SLC23A2: variants seen among roughly 807,000 people sequenced by gnomAD.
SLC23A2 encodes Na(+)/L-ascorbic acid transporter 2.
SLC23A2 carries 36 observed loss-of-function variants against 73.3 expected under a neutral mutation model. That is an observed-to-expected ratio of 0.49 (90% confidence interval 0.38 to 0.65). The LOEUF (loss-of-function observed/expected upper bound fraction) is 0.65, where lower values mean the gene tolerates loss of function less well. Ranked by LOEUF, SLC23A2 falls within the 30% of genes least tolerant of loss-of-function variation. SLC23A2 has a pLI of 0.00. For missense variants in SLC23A2, 507 were observed against 841.6 expected, an observed-to-expected ratio of 0.60 and a Z score of 4.92; for synonymous variants, 343 against 327.3, an observed-to-expected ratio of 1.05 and a Z score of -0.52.
intron 3 of SLC23A2, among the ~76,000 whole-genome samples, chr20:4,915,009 T>G (rs986417069): frequency 6.6e-6 from 1 of 151,880 alleles, no homozygotes; most frequent in Non-Finnish European, 1.5e-5. Flanking sequence ...GAGCAAGACA[T>G]CGACTCTAAA....
At chr20:4,910,934 T>A (rs573268489) in intron 4 of SLC23A2, among the ~76,000 whole-genome samples, 1 of 152,150 alleles carries the variant, frequency 6.6e-6, no homozygotes, top group Non-Finnish European at 1.5e-5. Flanking sequence ...GCTAGAGACA[T>A]TTTTCCTACA....
At position 4,872,903 on chromosome 20, in the gene SLC23A2, C is replaced by A. The variant is rs960733063; in HGVS notation, c.1102+1033G>T. Reference sequence around the variant, plus strand: ...CCGAGTAGCTGGAATTACAGACACCCGTCATCAGGCCTGGCTCATTTTTGT... The same window carrying A: ...CCGAGTAGCTGGAATTACAGACACCAGTCATCAGGCCTGGCTCATTTTTGT... On this transcript the variant is annotated intron_variant, in intron 11 of 16. Coordinates refer to ENST00000338244, the MANE Select transcript of SLC23A2 (RefSeq NM_005116.6). The surrounding 1 kb of genome is among the most constrained non-coding windows in gnomAD (Gnocchi z 4.4). Among the ~76,000 whole-genome samples the A allele has an allele frequency of 6.6e-6, 1 of 152,150 alleles. No individual in the cohort carries two copies. Among genetic ancestry groups the A allele is most frequent in the African/African-American group, 2.4e-5 (1 of 41,502 alleles).
At chr20:4,953,176 C>T (rs1423935725) in intron 2 of SLC23A2, among the ~76,000 whole-genome samples, 2 of 150,104 alleles carry the variant, frequency 1.3e-5, no homozygotes, top group Non-Finnish European at 3.0e-5. Flanking sequence ...CGTGGTGATG[C>T]GTGCCTGTAT....
rs189840710 is a variant in SLC23A2 at position 4,857,242 on chromosome 20, G to A, written c.1721-38C>T. The A allele has an allele frequency of 1.8e-5, 20 of 1,132,648 alleles. No homozygotes were observed. The highest frequency in any genetic ancestry group is 4.1e-5 in the Admixed American group (2 of 48,352). The allele number at this position is 1,132,648 out of a possible 1,614,324, so 70.2% of individuals were successfully genotyped here. ...CCAAGATAGAACAAAGGAATGCTTCGTTTAGCAGCTCTACTGAAAATGAAA... is the reference window on the plus strand; with the variant it reads ...CCAAGATAGAACAAAGGAATGCTTCATTTAGCAGCTCTACTGAAAATGAAA... On this transcript the variant is annotated intron_variant, in intron 16 of 16. Coordinates refer to ENST00000338244, the MANE Select transcript of SLC23A2 (RefSeq NM_005116.6). The surrounding 1 kb of genome is among the most constrained non-coding windows in gnomAD (Gnocchi z 4.0).
chr20:4,949,914 C>T (rs375497156), intron 2 of SLC23A2, among the ~76,000 whole-genome samples: 22 of 152,320 alleles, frequency 1.4e-4, no homozygotes, highest in African/African-American at 4.8e-4. Context: ...ACTTCTGTGC[C>T]GGTGTCTGTG....
intron 9 of SLC23A2, among the ~76,000 whole-genome samples, chr20:4,877,151 T>TA (rs1438447016): frequency 1.3e-5 from 2 of 151,968 alleles, no homozygotes; most frequent in Non-Finnish European, 2.9e-5. Context: ...CCCTAGAACT[T>TA]AAAGTATAAT....
intron 1 of SLC23A2, among the ~76,000 whole-genome samples, chr20:4,988,062 G>C (rs1208764724): frequency 6.7e-6 from 1 of 150,304 alleles, no homozygotes; most frequent in Admixed American, 6.7e-5. Context: ...ACTTTGGGAG[G>C]CCAAGGCAGA....
intron 1 of SLC23A2, among the ~76,000 whole-genome samples, chr20:4,992,480 T>C (rs1211542931): frequency 2.0e-5 from 3 of 146,364 alleles, no homozygotes; most frequent in Non-Finnish European, 3.0e-5. Context: ...AACAAAGCCA[T>C]GGGAAATAAA....
intron 1 of SLC23A2, among the ~76,000 whole-genome samples, chr20:4,995,186 G>A (rs1265378532): frequency 2.0e-5 from 3 of 152,122 alleles, no homozygotes; most frequent in African/African-American, 7.2e-5. Flanking sequence ...GAGCGTTGAG[G>A]TGGTGGGTAG....
At chr20:4,915,630 C>A (rs1932294908) in intron 3 of SLC23A2, among the ~76,000 whole-genome samples, 1 of 152,104 alleles carries the variant, frequency 6.6e-6, no homozygotes, top group African/African-American at 2.4e-5. Context: ...CAGATTATAA[C>A]CTAGGTCTGA....
chr20:4,862,930 G>C lies in SLC23A2; in HGVS notation c.1357-23C>G. The C allele has an allele frequency of 6.3e-7, 1 of 1,595,674 alleles. No individual in the cohort carries two copies. Among genetic ancestry groups the C allele is most frequent in the Non-Finnish European group, 8.6e-7 (1 of 1,166,410 alleles). On this transcript the variant is annotated intron_variant, in intron 13 of 16. Coordinates refer to ENST00000338244, the MANE Select transcript of SLC23A2 (RefSeq NM_005116.6). The surrounding 1 kb of genome is among the most constrained non-coding windows in gnomAD (Gnocchi z 5.1). ...GACCTGCAGAACACACAGGAGACTG[G>C]GAAACAGGGACTCATCTCCATGCAA...
At chr20:4,971,700 T>C (rs1012476087) in intron 1 of SLC23A2, among the ~76,000 whole-genome samples, 4 of 151,682 alleles carry the variant, frequency 2.6e-5, no homozygotes, top group Admixed American at 1.3e-4. Context: ...GGCAGGAGGA[T>C]TCCTTGAGCC....
At chr20:4,877,239 GA>G (rs1417901219) in intron 9 of SLC23A2, among the ~76,000 whole-genome samples, 1 of 152,082 alleles carries the variant, frequency 6.6e-6, no homozygotes, top group Non-Finnish European at 1.5e-5. Context: ...AGCTTTAATT[GA>G]AAAACTGTAT....
At chr20:4,958,160 G>C (rs1055799860) in intron 2 of SLC23A2, among the ~76,000 whole-genome samples, 1 of 152,210 alleles carries the variant, frequency 6.6e-6, no homozygotes, top group South Asian at 2.1e-4. Context: ...CAGTAGAAGG[G>C]TTAGTGGTAA....
chr20:4,927,415 T>C lies in SLC23A2; in HGVS notation c.108+5040A>G, dbSNP rs1030317208. 4.6e-5 allele frequency among the ~76,000 whole-genome samples: 7 copies of C among 152,310 alleles called. No homozygotes were observed. In the South Asian group the frequency reaches 6.2e-4, roughly 14 times the overall value. ...TACCCAACGGTGAGACCCTCAACCC[T>C]ATCTTCCTCTGCCAGCTCTGCCTGC... On this transcript the variant is annotated intron_variant, in intron 3 of 16. Coordinates refer to ENST00000338244, the MANE Select transcript of SLC23A2 (RefSeq NM_005116.6).
At position 4,966,855 on chromosome 20, in the gene SLC23A2, C is replaced by G. The variant is rs957899156; in HGVS notation, c.-155+3938G>C. Among the ~76,000 whole-genome samples, 16 of 147,512 alleles carry G rather than the reference C, an allele frequency of 1.1e-4. No homozygotes were observed. In the East Asian group the frequency reaches 1.4e-3, roughly 13 times the overall value. On this transcript the variant is annotated intron_variant, in intron 2 of 16. Coordinates refer to ENST00000338244, the MANE Select transcript of SLC23A2 (RefSeq NM_005116.6). Reference sequence around the variant, plus strand: ...ACACACACACACACACACACACACACAGGCATGGCCATCTTTATCCAAACA... The same window carrying G: ...ACACACACACACACACACACACACAGAGGCATGGCCATCTTTATCCAAACA...
chr20:4,956,995 C>T (rs149734783), intron 2 of SLC23A2, among the ~76,000 whole-genome samples: 4,787 of 151,748 alleles, frequency 0.032, 255 homozygotes, highest in African/African-American at 0.11. Context: ...TTAGTAGAGA[C>T]GGGGTTTCTC....
chr20:4,935,133 G>T (rs1331222789), intron 2 of SLC23A2, among the ~76,000 whole-genome samples: 5 of 142,642 alleles, frequency 3.5e-5, no homozygotes, highest in African/African-American at 5.2e-5. Context: ...TTTGCAGTGA[G>T]CCGAGATCGC....
chr20:4,911,424 G>A (rs1600125170), intron 4 of SLC23A2, among the ~76,000 whole-genome samples: 1 of 152,074 alleles, frequency 6.6e-6, no homozygotes, highest in East Asian at 1.9e-4. Flanking sequence ...GGTTATTTCA[G>A]AATTTCAATA....
Sources: allele counts gnomAD v4.1 joint callset (sites outside exome capture counted in the v4.1 genomes callset), GRCh38; gene constraint gnomAD v4.1.1; non-coding constraint Gnocchi (gnomAD v3.1); transcripts MANE v1.5; gene names NCBI Gene and HGNC (gene_info 2026-07-23, HGNC 2026-07-21).